Variants in RALYL observed in about 807,000 individuals in gnomAD.
RALYL encodes RALY RNA binding protein like.
In RALYL, 29 loss-of-function variants were observed where a neutral mutation model predicts 35.1. That is an observed-to-expected ratio of 0.83 (90% CI 0.61 to 1.13). RALYL has a LOEUF of 1.13. Among genes scored for constraint, RALYL ranks in the 50% most tolerant of loss-of-function variants. The pLI is 0.00. For synonymous variants in RALYL, 120 were observed against 127.6 expected (o/e 0.94, Z 0.40); for missense variants, 359 against 360.4 (o/e 1.00, Z 0.03).
intron 2 of RALYL, among the ~76,000 whole-genome samples, chr8:84,572,572 T>G (rs1425925718): frequency 6.6e-6 from 1 of 151,862 alleles, no homozygotes. Context: ...CAAATCATCT[T>G]TCCTATCATT....
chr8:84,496,333 C>T lies in RALYL; in HGVS notation c.-23-32966C>T, dbSNP rs534878397. Among the ~76,000 whole-genome samples the T allele has an allele frequency of 5.7e-4, 86 of 152,192 alleles. 1 individual carries two copies. In the Middle Eastern group the frequency reaches 0.014, roughly 24 times the overall value. ...ATGAAATATCAACAATAGTTGTGGTCTCAAGTTTGCAAACATGTTGGTACC... is the reference window on the plus strand; with the variant it reads ...ATGAAATATCAACAATAGTTGTGGTTTCAAGTTTGCAAACATGTTGGTACC... On this transcript the variant is annotated intron_variant, in intron 1 of 8. Coordinates refer to ENST00000521268, the MANE Select transcript of RALYL (RefSeq NM_173848.7).
At chr8:84,469,488 C>G (rs1321615270) in intron 1 of RALYL, among the ~76,000 whole-genome samples, 1 of 152,222 alleles carries the variant, frequency 6.6e-6, no homozygotes, top group Non-Finnish European at 1.5e-5. Context: ...CTTGAGGAGG[C>G]AGTCTGCCCG....
At chr8:84,814,256 T>C (rs568774671) in intron 4 of RALYL, among the ~76,000 whole-genome samples, 3 of 152,288 alleles carry the variant, frequency 2.0e-5, no homozygotes, top group Non-Finnish European at 1.5e-5. Context: ...TTTAAAATAA[T>C]AAATCTCCAT....
chr8:84,216,054 T>A (rs1020258433), intron 1 of RALYL, among the ~76,000 whole-genome samples: 10 of 152,158 alleles, frequency 6.6e-5, no homozygotes, highest in Non-Finnish European at 1.3e-4. Context: ...CATTTTGCAC[T>A]TATCATATAT....
chr8:84,689,708 T>C (rs1028397312), intron 2 of RALYL, among the ~76,000 whole-genome samples: 8 of 152,256 alleles, frequency 5.3e-5, no homozygotes, highest in Non-Finnish European at 8.8e-5. Flanking sequence ...TGTAAAAGTG[T>C]TCCTATTTCT....
chr8:84,520,093 C>T (rs924028886), intron 1 of RALYL, among the ~76,000 whole-genome samples: 1 of 152,182 alleles, frequency 6.6e-6, no homozygotes, highest in African/African-American at 2.4e-5. Flanking sequence ...TGGGTACTGA[C>T]CTTGACTGAT....
intron 2 of RALYL, among the ~76,000 whole-genome samples, chr8:84,618,369 G>GT: frequency 6.6e-6 from 1 of 151,766 alleles, no homozygotes; most frequent in South Asian, 2.1e-4. Flanking sequence ...AGATTTTGTA[G>GT]TTTATTTGCA....
intron 8 of RALYL, among the ~76,000 whole-genome samples, chr8:84,913,074 A>AGATAGAT (rs1847861607): frequency 6.6e-6 from 1 of 151,862 alleles, no homozygotes; most frequent in African/African-American, 2.4e-5. Context: ...ATAGATAGAT[A>AGATAGAT]GATAGATAGA....
chr8:84,591,362 C>T (rs1219640754), intron 2 of RALYL, among the ~76,000 whole-genome samples: 1 of 152,074 alleles, frequency 6.6e-6, no homozygotes, highest in East Asian at 1.9e-4. Context: ...ATTTATAATA[C>T]AGCAAAAAGC....
At chr8:84,548,568 C>T (rs2060511035) in intron 2 of RALYL, among the ~76,000 whole-genome samples, 1 of 152,092 alleles carries the variant, frequency 6.6e-6, no homozygotes, top group Non-Finnish European at 1.5e-5. Context: ...TATTTGGAGA[C>T]TTGAATGTGA....
chr8:84,728,714 C>T (rs1036185368), intron 2 of RALYL, among the ~76,000 whole-genome samples: 4 of 152,080 alleles, frequency 2.6e-5, no homozygotes, highest in Admixed American at 2.0e-4. Context: ...TTTCCCAGCA[C>T]CATTTATTAA....
intron 2 of RALYL, among the ~76,000 whole-genome samples, chr8:84,677,744 ACTT>A (rs1393845285): frequency 2.0e-5 from 3 of 152,198 alleles, no homozygotes; most frequent in Non-Finnish European, 4.4e-5. Context: ...TTTAAAGAAA[ACTT>A]CTTAAAGCTA....
intron 2 of RALYL, among the ~76,000 whole-genome samples, chr8:84,723,833 C>T (rs943902224): frequency 1.3e-5 from 2 of 151,688 alleles, no homozygotes; most frequent in Non-Finnish European, 3.0e-5. Flanking sequence ...TCACCATTCC[C>T]CCACCCAAAC....
At chr8:84,512,157 C>T (rs1180028496) in intron 1 of RALYL, among the ~76,000 whole-genome samples, 1 of 152,042 alleles carries the variant, frequency 6.6e-6, no homozygotes, top group Non-Finnish European at 1.5e-5. Context: ...GTATTCCCCC[C>T]AATAGTGTAT....
intron 4 of RALYL, among the ~76,000 whole-genome samples, chr8:84,829,940 A>G (rs1830521663): frequency 6.9e-6 from 1 of 144,456 alleles, no homozygotes; most frequent in Non-Finnish European, 1.5e-5. Context: ...AGCACAACTC[A>G]TGCCTGAAGG....
At chr8:84,848,877 C>T (rs529512910) in intron 4 of RALYL, among the ~76,000 whole-genome samples, 1 of 152,054 alleles carries the variant, frequency 6.6e-6, no homozygotes, top group African/African-American at 2.4e-5. Context: ...TACAGTTACT[C>T]CATTCATCAT....
intron 1 of RALYL, among the ~76,000 whole-genome samples, chr8:84,240,613 G>T (rs1392358131): frequency 6.6e-6 from 1 of 152,158 alleles, no homozygotes; most frequent in Non-Finnish European, 1.5e-5. Flanking sequence ...ATTTCTGAAG[G>T]AGAGGGGTCT....
chr8:84,237,670 C>T (rs1406913464), intron 1 of RALYL, among the ~76,000 whole-genome samples: 1 of 152,050 alleles, frequency 6.6e-6, no homozygotes, highest in Non-Finnish European at 1.5e-5. Flanking sequence ...AATAGAGGAA[C>T]ATCAGGCTGT....
chr8:84,237,838 A>G (rs989269730), intron 1 of RALYL, among the ~76,000 whole-genome samples: 1 of 152,162 alleles, frequency 6.6e-6, no homozygotes, highest in Non-Finnish European at 1.5e-5. Flanking sequence ...AACTGAGGAG[A>G]TGAATTAAAG....
Sources: gnomAD v4.1 joint callset for allele counts (sites outside exome capture counted in the v4.1 genomes callset) on GRCh38, gnomAD v4.1.1 for gene constraint, MANE v1.5 for transcripts, NCBI Gene and HGNC (gene_info 2026-07-23, HGNC 2026-07-21) for gene names.